Variants in ABLIM1 observed in about 807,000 individuals in gnomAD.
ABLIM1 encodes actin binding LIM protein 1, also known as actin-binding LIM protein 1.
A neutral mutation model predicts 107.0 loss-of-function variants in ABLIM1; 40 were observed. The observed-to-expected ratio is 0.37, with a 90% CI of 0.29 to 0.49. The LOEUF is 0.49. Among genes scored for constraint, ABLIM1 ranks in the 20% least tolerant of loss-of-function variants. The pLI is 0.97. For missense variants in ABLIM1, 857 were observed against 1,008.5 expected (o/e 0.85, Z 2.04); for synonymous variants, 357 against 357.3 (o/e 1.00, Z 0.01).
intron 2 of ABLIM1, among the ~76,000 whole-genome samples, chr10:114,597,045 A>T (rs1425730791): frequency 6.6e-6 from 1 of 152,180 alleles, no homozygotes; most frequent in East Asian, 1.9e-4. Flanking sequence ...GTCTTGACCA[A>T]AAGCCCGGGC....
intron 12 of ABLIM1, chr10:114,463,071 C>T (rs1303842605): frequency 3.0e-6 from 4 of 1,330,816 alleles, no homozygotes; most frequent in Non-Finnish European, 2.0e-6. Flanking sequence ...GAAGTGGTGT[C>T]GGAAAGGGGG....
rs115379614 is a variant in ABLIM1, at chr10:114,749,536, C to G, written c.-213+18525G>C. Reference sequence around the variant, plus strand: ...CTATATAAATAAACAAGCCCAAAGTCACAGATCAGGGGTACTCGTGATTTC... The same window carrying G: ...CTATATAAATAAACAAGCCCAAAGTGACAGATCAGGGGTACTCGTGATTTC... On this transcript the variant is annotated intron_variant, in intron 1 of 15. Transcript: ENST00000651092. Among the ~76,000 whole-genome samples the G allele has an allele frequency of 3.4e-3, 517 of 151,860 alleles. 2 individuals carry two copies. Among genetic ancestry groups the G allele is most frequent in the African/African-American group, 0.012 (491 of 41,410 alleles).
At chr10:114,658,407 C>T, upstream of ABLIM1, 1 of 907,442 alleles carries the variant, frequency 1.1e-6, no homozygotes, top group South Asian at 3.7e-5. Flanking sequence ...ATAAAAACAG[C>T]CACTACCAGG....
the ABLIM1 span, among the ~76,000 whole-genome samples, chr10:114,790,715 T>G: frequency 6.6e-6 from 1 of 152,226 alleles, no homozygotes; most frequent in African/African-American, 2.4e-5. Flanking sequence ...AATTCCTTTT[T>G]GTTTACACTA....
At chr10:114,467,766 G>C (rs970345255) in intron 11 of ABLIM1, among the ~76,000 whole-genome samples, 3 of 152,182 alleles carry the variant, frequency 2.0e-5, no homozygotes, top group East Asian at 3.8e-4. Flanking sequence ...ATTGATTTCA[G>C]ACTAAACAGA....
At chr10:114,623,019 T>C (rs1373362593) in intron 1 of ABLIM1, among the ~76,000 whole-genome samples, 1 of 152,200 alleles carries the variant, frequency 6.6e-6, no homozygotes, top group African/African-American at 2.4e-5. Context: ...CTGGAGTGCA[T>C]GGCGATCTCA....
intron 12 of ABLIM1, among the ~76,000 whole-genome samples, chr10:114,459,225 C>T (rs566823582): frequency 3.9e-5 from 6 of 152,344 alleles, no homozygotes; most frequent in African/African-American, 1.4e-4. Flanking sequence ...GTCAAGCTCC[C>T]AGCTCACATC....
rs149685628 is a variant in ABLIM1 at position 114,633,569 on chromosome 10, C to G, written c.244+24388G>C. On this transcript the variant is annotated intron_variant, in intron 1 of 22. Transcript: ENST00000533213. ...CGCACCCATGGCAGCCCCATAAGGT[C>G]ATGTTTTTCCTAAGTCAGCAGCCAG... Among the ~76,000 whole-genome samples, 1,373 of 152,238 alleles carry G rather than the reference C, an allele frequency of 9.0e-3. 12 individuals are homozygous for G. The highest frequency in any genetic ancestry group is 0.015 in the Non-Finnish European group (1,047 of 68,012).
chr10:114,599,665 T>C (rs535034615), intron 2 of ABLIM1, among the ~76,000 whole-genome samples: 1 of 151,898 alleles, frequency 6.6e-6, no homozygotes, highest in South Asian at 2.1e-4. Context: ...CAGGTACCTG[T>C]AATCCCAGCT....
At chr10:114,758,494 C>T (rs1287536469) in intron 1 of ABLIM1, among the ~76,000 whole-genome samples, 4 of 152,178 alleles carry the variant, frequency 2.6e-5, no homozygotes, top group Admixed American at 1.3e-4. Flanking sequence ...CCCTGGAATC[C>T]ATTAGAGATT....
In ABLIM1 at chr10:114,437,870, T is replaced by C. The variant is rs1260510217; in HGVS notation, c.2197A>G (p.Arg733Gly). The change falls in exon 22 of 23, where the codon AGA becomes GGA. Residue 733 changes from arginine to glycine, a missense_variant. This residue lies in a region of ABLIM1 where 193 missense variants were observed against 208.5 expected (regional missense o/e 0.93). Transcript: ENST00000533213. ...VTNRGRNKIL[R>G]EVDRTRLERH... ...TCCAGCCTGGTTCTGTCCACCTCTCTGAGGATTTTGTTTCGCCCTCTGTTG... is the reference window on the plus strand; with the variant it reads ...TCCAGCCTGGTTCTGTCCACCTCTCCGAGGATTTTGTTTCGCCCTCTGTTG... The C allele has an allele frequency of 4.3e-6, 7 of 1,614,070 alleles. No individual in the cohort carries two copies. The highest frequency in any genetic ancestry group is 5.9e-6 in the Non-Finnish European group (7 of 1,180,036).
At position 114,619,322 on chromosome 10, in the gene ABLIM1, G is replaced by A. The variant is rs1438757947; in HGVS notation, c.245-17361C>T. Among the ~76,000 whole-genome samples the A allele has an allele frequency of 4.6e-5, 7 of 151,230 alleles. No individual in the cohort carries two copies. The highest frequency in any genetic ancestry group is 1.9e-4 in the East Asian group (1 of 5,154). On this transcript the variant is annotated intron_variant, in intron 1 of 22. Transcript: ENST00000533213. The surrounding 1 kb of genome is among the most constrained non-coding windows in gnomAD (Gnocchi z 4.1). ...AGCAATTCTCCTGCCTCAGCCTCCC[G>A]AGCAGCTGGGATTACAGGCATGCAC...
At chr10:114,632,574 C>T (rs372284807) in intron 1 of ABLIM1, 5 of 985,342 alleles carry the variant, frequency 5.1e-6, no homozygotes, top group East Asian at 1.1e-4. Flanking sequence ...TTGGTTTGCA[C>T]GGCTGCTCCC....
intron 20 of ABLIM1, 95 bp from the exon 21 acceptor site, chr10:114,439,345 A>G: frequency 1.7e-6 from 2 of 1,195,532 alleles, no homozygotes; most frequent in Non-Finnish European, 2.5e-6. Flanking sequence ...TGGGTCTCCA[A>G]TCCTAACCAC....
chr10:114,639,387 A>C (rs1195114475), intron 1 of ABLIM1, among the ~76,000 whole-genome samples: 1 of 152,244 alleles, frequency 6.6e-6, no homozygotes, highest in African/African-American at 2.4e-5. Context: ...CCATGGTTAC[A>C]CAATTACTTA....
At chr10:114,798,232 C>T in the ABLIM1 span, among the ~76,000 whole-genome samples, 1 of 149,212 alleles carries the variant, frequency 6.7e-6, no homozygotes, top group Admixed American at 6.7e-5. Flanking sequence ...ACCAGCCTGG[C>T]CAACATGGCG....
intron 1 of ABLIM1, chr10:114,690,648 A>G (rs887267112): frequency 1.5e-6 from 1 of 650,388 alleles, no homozygotes; most frequent in Non-Finnish European, 2.7e-6. Flanking sequence ...TATGGCTGAT[A>G]CTACAGGGCT....
chr10:114,485,323 G>A (rs560302796), intron 8 of ABLIM1: 45 of 1,612,980 alleles, frequency 2.8e-5, no homozygotes, highest in African/African-American at 2.1e-4. Context: ...CGTCCTGTGC[G>A]TCGAATCAGA....
At chr10:114,468,034 A>G (rs2065565349) in intron 11 of ABLIM1, 147 bp downstream of exon 11, 4 of 689,208 alleles carry the variant, frequency 5.8e-6, no homozygotes, top group Non-Finnish European at 1.0e-5. Flanking sequence ...TCTTTCACGG[A>G]GGTAATCCCC....
Sources: allele counts gnomAD v4.1 joint callset (sites outside exome capture counted in the v4.1 genomes callset), GRCh38; gene constraint gnomAD v4.1.1; regional missense constraint gnomAD v4.1.1; non-coding constraint Gnocchi (gnomAD v3.1); transcripts MANE v1.5; gene names NCBI Gene and HGNC (gene_info 2026-07-23, HGNC 2026-07-21).